Variants in ANKS1B observed in about 807,000 individuals in gnomAD.
ANKS1B encodes the protein ankyrin repeat and sterile alpha motif domain containing 1B, also known as ankyrin repeat and sterile alpha motif domain-containing protein 1B.
ANKS1B carries 36 observed loss-of-function variants against 148.3 expected under a neutral mutation model. The ratio of observed to expected loss-of-function variants is 0.24; its 90% CI spans 0.19 to 0.32. The LOEUF (loss-of-function observed/expected upper bound fraction) is 0.32. Ranked by LOEUF, ANKS1B falls within the 10% of genes least tolerant of loss-of-function variation. The pLI is 1.00. For synonymous variants in ANKS1B, 542 were observed against 560.8 expected (o/e 0.97, Z 0.47); for missense variants, 1,157 against 1,542.6 (o/e 0.75, Z 4.19).
At chr12:99,246,214 C>T in intron 13 of ANKS1B, 61 bp downstream of exon 13, 1 of 1,311,806 alleles carries the variant, frequency 7.6e-7, no homozygotes, top group Non-Finnish European at 1.0e-6. Flanking sequence ...AAAATCCTTC[C>T]CCCAAACCTC....
intron 8 of ANKS1B, among the ~76,000 whole-genome samples, chr12:99,770,895 G>C (rs1333827673): frequency 6.6e-6 from 1 of 151,944 alleles, no homozygotes; most frequent in Non-Finnish European, 1.5e-5. Context: ...TATTGTAAAG[G>C]TTTGTCACAG....
chr12:99,950,734 C>G (rs998038581), intron 1 of ANKS1B, among the ~76,000 whole-genome samples: 2 of 152,060 alleles, frequency 1.3e-5, no homozygotes, highest in Non-Finnish European at 2.9e-5. Flanking sequence ...AAAACCACCC[C>G]CCCCAATAAC....
At chr12:99,381,570 T>G (rs1484266905) in intron 12 of ANKS1B, among the ~76,000 whole-genome samples, 4 of 152,166 alleles carry the variant, frequency 2.6e-5, no homozygotes, top group Non-Finnish European at 5.9e-5. Flanking sequence ...AAGGGTTAAG[T>G]GCAGCAGACT....
At chr12:99,310,441 C>G (rs1049660866) in intron 12 of ANKS1B, among the ~76,000 whole-genome samples, 1 of 152,114 alleles carries the variant, frequency 6.6e-6, no homozygotes, top group African/African-American at 2.4e-5. Flanking sequence ...AATGTTTGTG[C>G]CTCATGTCAT....
chr12:99,835,888 A>G (rs1022288468), intron 1 of ANKS1B, among the ~76,000 whole-genome samples: 3 of 152,230 alleles, frequency 2.0e-5, no homozygotes, highest in African/African-American at 7.2e-5. Context: ...ACGTTTACCT[A>G]TGTAACAAAA....
At chr12:99,388,430 T>C (rs2093953850) in intron 12 of ANKS1B, among the ~76,000 whole-genome samples, 1 of 152,144 alleles carries the variant, frequency 6.6e-6, no homozygotes, top group African/African-American at 2.4e-5. Context: ...CCTTCCCTCT[T>C]TATTGTGTAA....
chr12:99,225,048 T>C (rs549119526), intron 14 of ANKS1B, among the ~76,000 whole-genome samples: 1 of 152,326 alleles, frequency 6.6e-6, no homozygotes, highest in South Asian at 2.1e-4. Flanking sequence ...TGTGTTTATA[T>C]CATGGAAAAA....
chr12:99,769,696 G>A (rs2063012447), intron 8 of ANKS1B, among the ~76,000 whole-genome samples: 1 of 152,150 alleles, frequency 6.6e-6, no homozygotes, highest in Admixed American at 6.5e-5. Context: ...CCTGTATGGA[G>A]AAATAATACT....
At position 98,744,930 on chromosome 12, in the gene ANKS1B, GTCC is replaced by G. The variant is rs1210446050; in HGVS notation, c.*806_*808del. ...CCAGTATTTTGCCACCACTGAGCCA[GTCC>G]TCTTGGTAGTAGCAGTAGAAATTTA... On this transcript the variant is annotated 3_prime_UTR_variant, in exon 27 of 27. Coordinates refer to ENST00000683438, the MANE Select transcript of ANKS1B (RefSeq NM_001352186.2). The G allele has an allele frequency of 2.0e-6, 2 of 985,620 alleles. No homozygotes were observed. Among genetic ancestry groups the G allele is most frequent in the Non-Finnish European group, 1.2e-6 (1 of 829,902 alleles). The allele number at this position is 985,620 out of a possible 1,614,324, so 61.1% of individuals were successfully genotyped here. A position where few individuals can be genotyped will look rare whatever the true frequency, so the allele number is the denominator to read the frequency against.
chr12:99,655,284 A>G, intron 8 of ANKS1B, 74 bp from the exon 9 acceptor site: 3 of 1,334,340 alleles, frequency 2.2e-6, no homozygotes, highest in South Asian at 1.5e-5. Context: ...ATTAAATTCT[A>G]TAAATGACAG....
At chr12:99,630,943 A>T (rs1196494046) in intron 9 of ANKS1B, among the ~76,000 whole-genome samples, 2 of 152,108 alleles carry the variant, frequency 1.3e-5, no homozygotes, top group Non-Finnish European at 2.9e-5. Context: ...GAATCATGGG[A>T]GCGGGTCTTT....
At chr12:99,552,663 C>T (rs909867339) in intron 9 of ANKS1B, among the ~76,000 whole-genome samples, 1 of 152,066 alleles carries the variant, frequency 6.6e-6, no homozygotes, top group Non-Finnish European at 1.5e-5. Context: ...TAGATATAAA[C>T]AATAACATGG....
At chr12:99,131,808 G>A (rs576493771) in intron 15 of ANKS1B, among the ~76,000 whole-genome samples, 12 of 152,266 alleles carry the variant, frequency 7.9e-5, no homozygotes, top group Admixed American at 2.6e-4. Context: ...ACCGGGCTCC[G>A]TCACCACAGG....
At chr12:99,819,588 A>G (rs2082271461) in intron 2 of ANKS1B, among the ~76,000 whole-genome samples, 1 of 151,888 alleles carries the variant, frequency 6.6e-6, no homozygotes, top group African/African-American at 2.4e-5. Context: ...AACAATATAC[A>G]TATTTCAGAA....
At chr12:99,843,906 C>T (rs889856548) in intron 1 of ANKS1B, among the ~76,000 whole-genome samples, 1 of 151,694 alleles carries the variant, frequency 6.6e-6, no homozygotes, top group Non-Finnish European at 1.5e-5. Flanking sequence ...TCCACAACCT[C>T]GCATCTGTTG....
intron 12 of ANKS1B, among the ~76,000 whole-genome samples, chr12:99,273,572 C>T (rs1172596185): frequency 7.1e-5 from 9 of 126,234 alleles, no homozygotes; most frequent in African/African-American, 1.6e-4. Flanking sequence ...TTTTTTTTTG[C>T]GATTTTTTTT....
intron 10 of ANKS1B, among the ~76,000 whole-genome samples, chr12:99,446,212 A>C (rs2095635787): frequency 6.6e-6 from 1 of 152,054 alleles, no homozygotes; most frequent in African/African-American, 2.4e-5. Context: ...AAGCTGGAAC[A>C]AAACATTAGA....
chr12:99,766,650 T>C (rs2062674134), intron 8 of ANKS1B, among the ~76,000 whole-genome samples: 1 of 152,162 alleles, frequency 6.6e-6, no homozygotes, highest in African/African-American at 2.4e-5. Context: ...AGTCACCACA[T>C]CCAAAAGGTC....
intron 12 of ANKS1B, among the ~76,000 whole-genome samples, chr12:99,365,010 A>G (rs2092690767): frequency 6.6e-6 from 1 of 152,222 alleles, no homozygotes; most frequent in African/African-American, 2.4e-5. Flanking sequence ...TACTGATTGA[A>G]AGGATCCACT....
Sources: gnomAD v4.1 joint callset for allele counts (sites outside exome capture counted in the v4.1 genomes callset) on GRCh38, gnomAD v4.1.1 for gene constraint, MANE v1.5 for transcripts, NCBI Gene and HGNC (gene_info 2026-07-23, HGNC 2026-07-21) for gene names.